UNC5C: variants seen among roughly 807,000 people sequenced by gnomAD.
The protein encoded by UNC5C is netrin receptor UNC5C.
A neutral mutation model predicts 99.8 loss-of-function variants in UNC5C; 47 were observed. The ratio of observed to expected loss-of-function variants is 0.47; its 90% CI spans 0.37 to 0.60. UNC5C has a LOEUF of 0.60. Ranked by LOEUF, UNC5C falls within the 20% of genes least tolerant of loss-of-function variation. UNC5C has a pLI of 0.00. For synonymous variants in UNC5C, 487 were observed against 452.2 expected (o/e 1.08, Z -0.98); for missense variants, 1,062 against 1,165.9 (o/e 0.91, Z 1.30).
At chr4:95,357,149 T>G (rs1166461080) in intron 1 of UNC5C, among the ~76,000 whole-genome samples, 7 of 149,874 alleles carry the variant, frequency 4.7e-5, no homozygotes, top group Admixed American at 2.0e-4. Context: ...TTTTTTTTAT[T>G]TAAAGACATG....
In UNC5C at chr4:95,512,931, T is replaced by A. The variant is rs530516565; in HGVS notation, c.124+35803A>T. Among the ~76,000 whole-genome samples, 45 of 152,312 alleles carry A rather than the reference T, an allele frequency of 3.0e-4. 1 individual carries two copies. The South Asian group carries it at 5.8e-3, about 20-fold the overall frequency. On this transcript the variant is annotated intron_variant, in intron 1 of 15. Coordinates refer to ENST00000453304, the MANE Select transcript of UNC5C (RefSeq NM_003728.4). Reference sequence around the variant, plus strand: ...ATATTTTTAAGGACACAAAAATACTTGATAAATTAATTAATTTACATTACA... The same window carrying A: ...ATATTTTTAAGGACACAAAAATACTAGATAAATTAATTAATTTACATTACA...
intron 1 of UNC5C, among the ~76,000 whole-genome samples, chr4:95,474,795 T>C (rs1748086094): frequency 6.6e-6 from 1 of 152,068 alleles, no homozygotes; most frequent in African/African-American, 2.4e-5. Context: ...ATCCAGCACA[T>C]AGATCAAGAA....
intron 1 of UNC5C, among the ~76,000 whole-genome samples, chr4:95,506,120 A>T (rs1158041695): frequency 6.6e-6 from 1 of 152,030 alleles, no homozygotes; most frequent in Non-Finnish European, 1.5e-5. Context: ...TTTCATCTTA[A>T]TCTTAACAGG....
intron 10 of UNC5C, among the ~76,000 whole-genome samples, chr4:95,213,927 G>T (rs1335355648): frequency 6.6e-6 from 1 of 152,180 alleles, no homozygotes; most frequent in Non-Finnish European, 1.5e-5. Context: ...ACATTAGGAA[G>T]CAGAAAGTGC....
intron 7 of UNC5C, among the ~76,000 whole-genome samples, chr4:95,237,287 G>C (rs1739154308): frequency 6.6e-6 from 1 of 151,966 alleles, no homozygotes; most frequent in African/African-American, 2.4e-5. Context: ...TAGAATTATT[G>C]GGTCAAAGGG....
intron 14 of UNC5C, among the ~76,000 whole-genome samples, chr4:95,176,810 T>C (rs12502862): frequency 0.088 from 13,333 of 152,088 alleles, 1,347 homozygotes; most frequent in African/African-American, 0.25. Context: ...CCTAAGCAAG[T>C]CTGGGCAATG....
intron 2 of UNC5C, among the ~76,000 whole-genome samples, chr4:95,316,490 G>C (rs1174037480): frequency 6.6e-6 from 1 of 152,088 alleles, no homozygotes; most frequent in African/African-American, 2.4e-5. Context: ...TTAATTTGTG[G>C]CAAGATGGTC....
At chr4:95,473,536 T>G (rs1748041063) in intron 1 of UNC5C, among the ~76,000 whole-genome samples, 1 of 151,520 alleles carries the variant, frequency 6.6e-6, no homozygotes, top group African/African-American at 2.4e-5. Flanking sequence ...CACTTAAAAT[T>G]GATCTGTCCT....
chr4:95,186,836 T>C (rs1431698909), intron 12 of UNC5C, among the ~76,000 whole-genome samples: 1 of 152,094 alleles, frequency 6.6e-6, no homozygotes, highest in Non-Finnish European at 1.5e-5. Context: ...CCAGCCACAG[T>C]CAGCCAGACA....
At chr4:95,318,278 G>T (rs529785996) in intron 2 of UNC5C, among the ~76,000 whole-genome samples, 13 of 152,238 alleles carry the variant, frequency 8.5e-5, no homozygotes, top group Admixed American at 8.5e-4. Flanking sequence ...GGCTGAGATC[G>T]CAGTGATGGA....
intron 3 of UNC5C, among the ~76,000 whole-genome samples, chr4:95,296,918 C>T (rs1741687293): frequency 6.6e-6 from 1 of 152,114 alleles, no homozygotes. Context: ...TACCAGGATC[C>T]CCTTTCAGGC....
intron 1 of UNC5C, among the ~76,000 whole-genome samples, chr4:95,431,297 G>A (rs1052177614): frequency 6.6e-6 from 1 of 152,022 alleles, no homozygotes; most frequent in Non-Finnish European, 1.5e-5. Flanking sequence ...AAGTACCACA[G>A]GTATCAGAAT....
chr4:95,180,071 C>T (rs190376785), intron 14 of UNC5C, among the ~76,000 whole-genome samples: 1 of 152,222 alleles, frequency 6.6e-6, no homozygotes, highest in East Asian at 1.9e-4. Context: ...GCATCAGTGG[C>T]ACCAGTAAAA....
At chr4:95,546,418 G>C (rs1723069364) in intron 1 of UNC5C, among the ~76,000 whole-genome samples, 1 of 152,218 alleles carries the variant, frequency 6.6e-6, no homozygotes, top group Non-Finnish European at 1.5e-5. Context: ...TGATAGTGGA[G>C]TTTGGTGCTT....
intron 1 of UNC5C, among the ~76,000 whole-genome samples, chr4:95,453,485 A>T (rs1001071187): frequency 6.6e-6 from 1 of 152,056 alleles, no homozygotes; most frequent in African/African-American, 2.4e-5. Flanking sequence ...AAGAAAAAAG[A>T]GAAAAGGAAG....
rs773054467 is a variant in UNC5C at position 95,170,332 on chromosome 4, C to G, written c.2452G>C (p.Glu818Gln). The G allele has an allele frequency of 1.1e-4, 173 of 1,613,658 alleles. No individual in the cohort carries two copies. The highest frequency in any genetic ancestry group is 1.4e-4 in the Non-Finnish European group (165 of 1,179,728). ...AGCGGCAAATCGATGCCAGTAGGTT[C>G]CTGTAGTTCAGGGACAGGAACAACA... ...IFQLNCTVSE[E>Q]PTGIDLPLLD... is the part of the protein sequence containing the mutation. Residue 818 changes from glutamate to glutamine, a missense_variant and splice_region_variant, in exon 15 of 16, where the codon GAA (glutamate) becomes CAA (glutamine). Glu to Gln is a conservative substitution (Grantham distance 29). Around this residue, in one of 3 missense-constraint regions of UNC5C, gnomAD observed 810 missense variants for 854.5 expected, o/e 0.95. Transcript: ENST00000453304.
intron 2 of UNC5C, among the ~76,000 whole-genome samples, chr4:95,317,893 AT>A (rs201988900): frequency 1.3e-5 from 2 of 151,862 alleles, no homozygotes; most frequent in African/African-American, 2.4e-5. Flanking sequence ...ATATTAAGTG[AT>A]TTTTTTTCTT....
intron 7 of UNC5C, among the ~76,000 whole-genome samples, 156 bp downstream of exon 7, chr4:95,242,273 G>T (rs932983567): frequency 1.3e-5 from 2 of 152,052 alleles, no homozygotes; most frequent in Non-Finnish European, 2.9e-5. Context: ...TGGAAAATTC[G>T]CTTTTTCCAA....
intron 4 of UNC5C, among the ~76,000 whole-genome samples, chr4:95,266,414 G>A (rs935927808): frequency 1.3e-5 from 2 of 152,114 alleles, no homozygotes; most frequent in Non-Finnish European, 2.9e-5. Flanking sequence ...TTTTATTAAC[G>A]AATATGAATG....
Sources: gnomAD v4.1 joint callset for allele counts (sites outside exome capture counted in the v4.1 genomes callset) on GRCh38, gnomAD v4.1.1 for gene constraint, gnomAD v4.1.1 regional missense constraint, MANE v1.5 for transcripts, NCBI Gene and HGNC (gene_info 2026-07-23, HGNC 2026-07-21) for gene names.